The following NPR3 variants were observed in gnomAD, a reference collection of about 807,000 sequenced individuals.
NPR3 encodes natriuretic peptide receptor 3.
A neutral mutation model predicts 54.5 loss-of-function variants in NPR3; 34 were observed. The ratio of observed to expected loss-of-function variants is 0.62; its 90% CI spans 0.47 to 0.83. The LOEUF is 0.83. NPR3 is among the 40% of genes least tolerant of loss of function. The pLI is 0.00. For missense variants in NPR3, 674 were observed against 720.8 expected, an observed-to-expected ratio of 0.94 and a Z score of 0.74; for synonymous variants, 289 against 297.1, an observed-to-expected ratio of 0.97 and a Z score of 0.28.
intron 2 of NPR3, among the ~76,000 whole-genome samples, chr5:32,733,741 A>G (rs73758305): frequency 0.035 from 5,363 of 152,350 alleles, 116 homozygotes; most frequent in Middle Eastern, 0.088. Flanking sequence ...CACATAATTC[A>G]TCAATCATAA....
Position 32,784,891 on chromosome 5 carries a change from C to A in NPR3, c.1514+8C>A. The A allele has an allele frequency of 6.2e-7, 1 of 1,601,352 alleles. No homozygotes were observed. Among genetic ancestry groups the A allele is most frequent in the Non-Finnish European group, 8.6e-7 (1 of 1,168,566 alleles). On this transcript the variant is annotated splice_region_variant and intron_variant, in intron 7 of 7. Transcript: ENST00000265074. The stretch of plus-strand genomic sequence containing the variant: ...GGCCTTCTACTTTTTCAGGTGAGGA[C>A]GGTTTGTAAAGGTACAATTCACTCT...
At chr5:32,748,571 A>G (rs1740419958) in intron 3 of NPR3, among the ~76,000 whole-genome samples, 1 of 152,208 alleles carries the variant, frequency 6.6e-6, no homozygotes, top group African/African-American at 2.4e-5. Flanking sequence ...GGAAAGTGGG[A>G]GAAATATCCT....
chr5:32,762,450 C>T (rs1741227143), intron 3 of NPR3, among the ~76,000 whole-genome samples: 1 of 150,230 alleles, frequency 6.7e-6, no homozygotes, highest in African/African-American at 2.4e-5. Context: ...TCCTCTCCAG[C>T]ATCTGTTGTT....
intron 4 of NPR3, among the ~76,000 whole-genome samples, chr5:32,779,425 G>T (rs1742225394): frequency 6.6e-6 from 1 of 152,174 alleles, no homozygotes; most frequent in Non-Finnish European, 1.5e-5. Flanking sequence ...TTGATTAGTT[G>T]CTCTGAGCCA....
chr5:32,724,141 G>A (rs543127258), intron 1 of NPR3, among the ~76,000 whole-genome samples: 1 of 152,168 alleles, frequency 6.6e-6, no homozygotes, highest in South Asian at 2.1e-4. Flanking sequence ...ATTATCTAGT[G>A]TATGGAACTT....
chr5:32,761,658 A>T (rs935424319), intron 3 of NPR3, among the ~76,000 whole-genome samples: 19 of 146,844 alleles, frequency 1.3e-4, no homozygotes, highest in Admixed American at 4.7e-4. Flanking sequence ...TATAATTTCT[A>T]TTTTTTTTTA....
chr5:32,698,798 T>C (rs1434119731), intron 1 of NPR3, among the ~76,000 whole-genome samples: 18 of 152,184 alleles, frequency 1.2e-4, no homozygotes, highest in Admixed American at 1.2e-3. Context: ...CTCCTGCCCC[T>C]TTTTGGTTTC....
Position 32,733,096 on chromosome 5 carries a change from C to T in NPR3, c.893-5768C>T, listed in dbSNP as rs142379098. ...CTGACCTCAGATGATCCGCCTGCCT[C>T]GGCCTCCCAAAGTGCTGGGATTACA... On this transcript the variant is annotated intron_variant, in intron 2 of 7. Transcript: ENST00000265074. Among the ~76,000 whole-genome samples the T allele has an allele frequency of 4.4e-3, 674 of 152,176 alleles. 3 individuals carry two copies. Among genetic ancestry groups the T allele is most frequent in the African/African-American group, 0.016 (650 of 41,532 alleles).
intron 4 of NPR3, among the ~76,000 whole-genome samples, chr5:32,775,442 C>A (rs972700342): frequency 2.0e-5 from 3 of 151,982 alleles, no homozygotes; most frequent in Non-Finnish European, 4.4e-5. Context: ...TTACAGGCGC[C>A]TGCCACCACA....
At chr5:32,693,002 A>T (rs2111804103) in intron 1 of NPR3, among the ~76,000 whole-genome samples, 1 of 152,276 alleles carries the variant, frequency 6.6e-6, no homozygotes, top group South Asian at 2.1e-4. Context: ...ATGTGCCTGT[A>T]GTCCATCTAC....
intron 6 of NPR3, among the ~76,000 whole-genome samples, chr5:32,784,188 T>G (rs984204879): frequency 6.6e-6 from 1 of 152,134 alleles, no homozygotes; most frequent in African/African-American, 2.4e-5. Flanking sequence ...GTTGTCTTCT[T>G]TGACTTTATT....
rs79938890 is a variant in NPR3, at chr5:32,739,185, T to G, written c.1059+155T>G. 0.053 allele frequency among the ~76,000 whole-genome samples: 7,803 copies of G among 147,500 alleles called. 289 individuals carry two copies. Among genetic ancestry groups the G allele is most frequent in the East Asian group, 0.21 (1,031 of 5,016 alleles). On this transcript the variant is annotated intron_variant, in intron 3 of 7. Coordinates refer to ENST00000265074, the MANE Select transcript of NPR3 (RefSeq NM_001204375.2). ...GCCTTCTGTGTGTGTGTGTGTGTGTTTTTTTTTTTTCCTTTCTGGGTGGTT... is the reference window on the plus strand; with the variant it reads ...GCCTTCTGTGTGTGTGTGTGTGTGTGTTTTTTTTTTCCTTTCTGGGTGGTT...
intron 5 of NPR3, among the ~76,000 whole-genome samples, chr5:32,781,045 G>A (rs1326008767): frequency 6.6e-6 from 1 of 152,074 alleles, no homozygotes; most frequent in Admixed American, 6.5e-5. Context: ...TCACACCTTA[G>A]TCTTGTGGAT....
intron 2 of NPR3, among the ~76,000 whole-genome samples, chr5:32,732,978 G>T (rs1739542498): frequency 6.6e-6 from 1 of 152,072 alleles, no homozygotes; most frequent in African/African-American, 2.4e-5. Flanking sequence ...CCGACTAGCT[G>T]GGATTACAGG....
intron 1 of NPR3, among the ~76,000 whole-genome samples, chr5:32,715,855 TG>T: frequency 6.6e-6 from 1 of 152,398 alleles, no homozygotes. Flanking sequence ...GTCATTAATC[TG>T]GGCCTGCATA....
intron 2 of NPR3, among the ~76,000 whole-genome samples, chr5:32,727,362 A>C (rs1739190677): frequency 6.6e-6 from 1 of 152,172 alleles, no homozygotes; most frequent in Non-Finnish European, 1.5e-5. Context: ...TCCTGGGCTC[A>C]AGTGATCTGC....
At position 32,712,303 on chromosome 5, in the gene NPR3, G is replaced by C; in HGVS notation, c.527G>C (p.Arg176Pro). 2 of 1,613,248 alleles carry C rather than the reference G, an allele frequency of 1.2e-6. No individual in the cohort carries two copies. The highest frequency in any genetic ancestry group is 2.7e-5 in the African/African-American group (2 of 75,078). Residue 176 changes from arginine to proline, a missense_variant, in exon 1 of 8, where the codon CGC (arginine) becomes CCC (proline). Coordinates refer to ENST00000265074, the MANE Select transcript of NPR3 (RefSeq NM_001204375.2). ...GACTCTGAGTACTCGCACCTCACGC[G>C]CGTGGCGCCCGCCTACGCCAAGATG... ...HKDSEYSHLTRVAPAYAKMGE... is the reference protein window; with the variant it reads ...HKDSEYSHLTPVAPAYAKMGE...
chr5:32,773,375 TG>T (rs1198647084), intron 3 of NPR3, among the ~76,000 whole-genome samples: 3 of 152,220 alleles, frequency 2.0e-5, no homozygotes, highest in African/African-American at 7.2e-5. Flanking sequence ...TTGCTTTTAA[TG>T]TAGGTAAGGG....
At chr5:32,779,413 T>C (rs1348206637) in intron 4 of NPR3, among the ~76,000 whole-genome samples, 3 of 152,230 alleles carry the variant, frequency 2.0e-5, no homozygotes, top group Non-Finnish European at 4.4e-5. Flanking sequence ...TATTTGCTTT[T>C]ATTGATTAGT....
Sources: gnomAD v4.1 joint callset for allele counts (sites outside exome capture counted in the v4.1 genomes callset) on GRCh38, gnomAD v4.1.1 for gene constraint, MANE v1.5 for transcripts, NCBI Gene and HGNC (gene_info 2026-07-23, HGNC 2026-07-21) for gene names.